The following BAZ1A variants were observed in gnomAD, a reference collection of about 807,000 sequenced individuals.
BAZ1A encodes the protein bromodomain adjacent to zinc finger domain 1A.
Under a neutral mutation model 185.2 loss-of-function variants are expected in BAZ1A, and 50 were observed. That is an observed-to-expected ratio of 0.27 (90% CI 0.22 to 0.34). The LOEUF (loss-of-function observed/expected upper bound fraction) is 0.34, where lower values mean the gene tolerates loss of function less well. Among genes scored for constraint, BAZ1A ranks in the 10% least tolerant of loss-of-function variants. BAZ1A has a pLI of 1.00. For synonymous variants in BAZ1A, 571 were observed against 615.6 expected, an observed-to-expected ratio of 0.93 and a Z score of 1.07; for missense variants, 1,356 against 1,839.9, an observed-to-expected ratio of 0.74 and a Z score of 4.81.
At chr14:34,774,296 A>G in intron 19 of BAZ1A, 31 bp downstream of exon 19, 1 of 1,584,680 alleles carries the variant, frequency 6.3e-7, no homozygotes, top group Non-Finnish European at 8.6e-7. Context: ...CAAGTAGATT[A>G]GACAAACTAA....
chr14:34,828,651 C>T (rs1239207829), intron 3 of BAZ1A: 1 of 152,202 alleles, frequency 6.6e-6, no homozygotes, highest in Admixed American at 6.6e-5. Context: ...CAGAAGGGTT[C>T]TCTTCCAGCC....
chr14:34,873,539 G>A (rs1019937890), intron 2 of BAZ1A, among the ~76,000 whole-genome samples: 2 of 152,318 alleles, frequency 1.3e-5, no homozygotes, highest in African/African-American at 4.8e-5. Context: ...ACAATAGCGA[G>A]TGGCACATGT....
chr14:34,784,040 GTC>G, intron 14 of BAZ1A, 113 bp from the exon 15 acceptor site: 1 of 957,822 alleles, frequency 1.0e-6, no homozygotes. Context: ...ATATGGAGTA[GTC>G]TCTCAAACAT....
At chr14:34,773,031 A>C (rs1186937201) in intron 20 of BAZ1A, among the ~76,000 whole-genome samples, 1 of 152,092 alleles carries the variant, frequency 6.6e-6, no homozygotes, top group Non-Finnish European at 1.5e-5. Flanking sequence ...CGTCTCAAAA[A>C]ATAACAACAA....
chr14:34,784,315 C>G (rs925197678), intron 14 of BAZ1A, among the ~76,000 whole-genome samples: 2 of 131,382 alleles, frequency 1.5e-5, no homozygotes, highest in African/African-American at 5.9e-5. Context: ...TTGCGTTGCG[C>G]CAAGATCGCA....
chr14:34,826,973 C>T (rs1030701305), intron 3 of BAZ1A, among the ~76,000 whole-genome samples: 11 of 152,260 alleles, frequency 7.2e-5, no homozygotes, highest in African/African-American at 2.6e-4. Context: ...GGAGCTGGGA[C>T]ACCTCTCTTC....
intron 3 of BAZ1A, among the ~76,000 whole-genome samples, chr14:34,832,222 A>ATATG (rs2042259236): frequency 7.0e-6 from 1 of 142,466 alleles, no homozygotes. Flanking sequence ...ACACATATAT[A>ATATG]TATATATATG....
intron 3 of BAZ1A, among the ~76,000 whole-genome samples, chr14:34,841,050 G>C (rs1481825368): frequency 6.6e-6 from 1 of 151,938 alleles, no homozygotes; most frequent in Non-Finnish European, 1.5e-5. Context: ...CCGAGTTCAA[G>C]CAATTCTCCT....
chr14:34,873,923 C>T (rs1374059231), intron 2 of BAZ1A, among the ~76,000 whole-genome samples: 1 of 152,190 alleles, frequency 6.6e-6, no homozygotes, highest in South Asian at 2.1e-4. Context: ...CCCCTCCTTC[C>T]CTTCTAGAGC....
intron 3 of BAZ1A, among the ~76,000 whole-genome samples, chr14:34,835,829 G>A (rs2042320989): frequency 6.6e-6 from 1 of 151,248 alleles, no homozygotes; most frequent in South Asian, 2.1e-4. Flanking sequence ...GCGCCACCAC[G>A]CCCAGCTAAT....
At chr14:34,780,144 A>G (rs1879940259) in intron 17 of BAZ1A, 42 bp downstream of exon 17, 1 of 1,606,732 alleles carries the variant, frequency 6.2e-7, no homozygotes. Flanking sequence ...TATTGGTTAA[A>G]AACAAATACA....
intron 3 of BAZ1A, among the ~76,000 whole-genome samples, chr14:34,851,870 G>A (rs971323843): frequency 6.6e-6 from 1 of 152,216 alleles, no homozygotes; most frequent in Admixed American, 6.5e-5. Context: ...GCTCATGCCT[G>A]TAATCCCAGC....
chr14:34,871,743 G>A (rs2138846311), intron 2 of BAZ1A, among the ~76,000 whole-genome samples: 1 of 152,330 alleles, frequency 6.6e-6, no homozygotes. Flanking sequence ...CGTGGTGGCA[G>A]GCTCCTGTAA....
At chr14:34,756,319 G>A (rs190876487) in intron 25 of BAZ1A, among the ~76,000 whole-genome samples, 55 of 151,672 alleles carry the variant, frequency 3.6e-4, no homozygotes, top group African/African-American at 1.3e-3. Flanking sequence ...GTTTCACCGT[G>A]TTAGCCAGGA....
chr14:34,827,506 C>T (rs867484900), intron 3 of BAZ1A, among the ~76,000 whole-genome samples: 17 of 152,098 alleles, frequency 1.1e-4, no homozygotes, highest in Non-Finnish European at 1.6e-4. Context: ...GAGGCCGAGG[C>T]GGGTGGATCA....
intron 4 of BAZ1A, 52 bp downstream of exon 4, chr14:34,825,961 A>G (rs1299136546): frequency 5.5e-6 from 8 of 1,462,860 alleles, no homozygotes; most frequent in Non-Finnish European, 7.3e-6. Context: ...TTTCAATGGA[A>G]TATCATTAGG....
At chr14:34,820,911 T>C (rs7342504) in intron 4 of BAZ1A, among the ~76,000 whole-genome samples, 87,265 of 151,968 alleles carry the variant, frequency 0.57, 25,332 homozygotes, top group South Asian at 0.67. Flanking sequence ...TTCTGATTCA[T>C]TGATCGATCT....
intron 6 of BAZ1A, among the ~76,000 whole-genome samples, chr14:34,805,786 A>G (rs948822636): frequency 6.6e-6 from 1 of 151,878 alleles, no homozygotes; most frequent in Non-Finnish European, 1.5e-5. Flanking sequence ...CCATTTTCCT[A>G]CTGGGGTGCT....
chr14:34,870,651 T>C (rs902652354), intron 2 of BAZ1A, among the ~76,000 whole-genome samples: 10 of 152,234 alleles, frequency 6.6e-5, no homozygotes, highest in African/African-American at 2.2e-4. Context: ...ATGCCCCTAT[T>C]TTCTTAATGC....
Sources: gnomAD v4.1 joint callset for allele counts (sites outside exome capture counted in the v4.1 genomes callset) on GRCh38, gnomAD v4.1.1 for gene constraint, MANE v1.5 for transcripts, NCBI Gene and HGNC (gene_info 2026-07-23, HGNC 2026-07-21) for gene names.